PCSK2: variants seen among roughly 807,000 people sequenced by gnomAD.
The protein encoded by PCSK2 is proprotein convertase subtilisin/kexin type 2.
In PCSK2, 14 loss-of-function variants were observed where a neutral mutation model predicts 69.7. The observed-to-expected ratio is 0.20, with a 90% CI of 0.13 to 0.31. PCSK2 has a LOEUF of 0.31. PCSK2 is among the 10% of genes least tolerant of loss of function. PCSK2 has a pLI of 1.00. For synonymous variants in PCSK2, 307 were observed against 320.7 expected (o/e 0.96, Z 0.46); for missense variants, 544 against 842.5 (o/e 0.65, Z 4.39).
intron 1 of PCSK2, among the ~76,000 whole-genome samples, chr20:17,247,913 C>A (rs772030092): frequency 4.6e-5 from 7 of 151,942 alleles, no homozygotes; most frequent in Non-Finnish European, 1.0e-4. Flanking sequence ...TAGCTTGGAG[C>A]CATAGTTTTC....
At chr20:17,330,343 C>A (rs1990176457) in intron 2 of PCSK2, among the ~76,000 whole-genome samples, 1 of 151,868 alleles carries the variant, frequency 6.6e-6, no homozygotes, top group African/African-American at 2.4e-5. Flanking sequence ...CCTGTAATCC[C>A]AGCACTTTGG....
chr20:17,369,371 T>C, intron 5 of PCSK2, 94 bp downstream of exon 5: 3 of 958,006 alleles, frequency 3.1e-6, no homozygotes, highest in Non-Finnish European at 5.1e-6. Flanking sequence ...TACATGTCTA[T>C]ACACATGCAT....
intron 11 of PCSK2, among the ~76,000 whole-genome samples, chr20:17,477,763 C>A (rs1403755162): frequency 6.6e-6 from 1 of 152,146 alleles, no homozygotes; most frequent in East Asian, 1.9e-4. Flanking sequence ...TGATTCCACT[C>A]TCTGTAAGTG....
chr20:17,369,763 T>A (rs574540088), intron 5 of PCSK2, among the ~76,000 whole-genome samples: 1 of 152,316 alleles, frequency 6.6e-6, no homozygotes, highest in South Asian at 2.1e-4. Context: ...CTCTACCTGA[T>A]GATATTGAAT....
rs903481364 is a variant in PCSK2, at chr20:17,453,096, A to G, written c.886-646A>G. On this transcript the variant is annotated intron_variant, in intron 8 of 11. Coordinates refer to ENST00000262545, the MANE Select transcript of PCSK2 (RefSeq NM_002594.5). The surrounding 1 kb of genome is among the most constrained non-coding windows in gnomAD (Gnocchi z 4.0). ...TATATTATGTGTTTAAAAGGATTCTAGTATCCAATTGAATAAAAAAGAATA... is the reference window on the plus strand; with the variant it reads ...TATATTATGTGTTTAAAAGGATTCTGGTATCCAATTGAATAAAAAAGAATA... Among the ~76,000 whole-genome samples, 17 of 152,356 alleles carry G rather than the reference A, an allele frequency of 1.1e-4. No individual in the cohort carries two copies. Among genetic ancestry groups the G allele is most frequent in the African/African-American group, 3.8e-4 (16 of 41,588 alleles).
At chr20:17,310,035 G>A (rs116289134) in intron 2 of PCSK2, among the ~76,000 whole-genome samples, 12,549 of 152,024 alleles carry the variant, frequency 0.083, 702 homozygotes, top group South Asian at 0.28. Context: ...CAATCATGGC[G>A]GAAGGCAAAG....
chr20:17,240,878 G>A (rs1416375212), intron 1 of PCSK2, among the ~76,000 whole-genome samples: 1 of 152,152 alleles, frequency 6.6e-6, no homozygotes, highest in South Asian at 2.1e-4. Context: ...CTGGAAAGCT[G>A]GTTCAATTGT....
chr20:17,265,898 G>A (rs186291418), intron 2 of PCSK2, among the ~76,000 whole-genome samples: 1 of 152,212 alleles, frequency 6.6e-6, no homozygotes, highest in East Asian at 1.9e-4. Flanking sequence ...GACTTCCCTG[G>A]GGCCACACAG....
At position 17,347,960 on chromosome 20, in the gene PCSK2, GAGAAAGAAAGAA is replaced by G. The variant is rs55852687; in HGVS notation, c.283-10355_283-10344del. 7.9e-4 allele frequency among the ~76,000 whole-genome samples: 54 copies of G among 68,082 alleles called. 2 individuals are homozygous for G. The highest frequency in any genetic ancestry group is 3.0e-3 in the African/African-American group (40 of 13,264). 44.7% of individuals were successfully genotyped at this position (68,082 alleles called of 152,430 possible). ...AGAAAGAAAGAAAGAAAGAAAGAAAGAGAAAGAAAGAAAGAAAGAAAGAGGAGAGAGAAAAAA... is the reference window on the plus strand; with the variant it reads ...AGAAAGAAAGAAAGAAAGAAAGAAAGAGAAAGAAAGAGGAGAGAGAAAAAA... On this transcript the variant is annotated intron_variant, in intron 2 of 11. Transcript: ENST00000262545.
chr20:17,327,542 G>A (rs1168415555), intron 2 of PCSK2, among the ~76,000 whole-genome samples: 3 of 152,088 alleles, frequency 2.0e-5, no homozygotes, highest in Non-Finnish European at 2.9e-5. Flanking sequence ...GAAGGAAGAC[G>A]CCCTCTGCCC....
At chr20:17,425,845 T>G (rs979667915) in intron 6 of PCSK2, among the ~76,000 whole-genome samples, 4 of 152,102 alleles carry the variant, frequency 2.6e-5, no homozygotes, top group Non-Finnish European at 4.4e-5. Context: ...TGCCCAAGGG[T>G]AATTTTTATG....
At chr20:17,420,439 C>A (rs760076940) in intron 6 of PCSK2, among the ~76,000 whole-genome samples, 11 of 152,184 alleles carry the variant, frequency 7.2e-5, no homozygotes, top group Admixed American at 1.3e-4. Flanking sequence ...TTGTAACCAA[C>A]CCTTTCTACA....
chr20:17,428,997 CAAAAAAAAAAAA>C lies in PCSK2; in HGVS notation c.621-417_621-406del, dbSNP rs60206058. Among the ~76,000 whole-genome samples the C allele has an allele frequency of 6.5e-4, 24 of 36,954 alleles. 1 individual carries two copies. Among genetic ancestry groups the C allele is most frequent in the East Asian group, 3.4e-3 (3 of 878 alleles). 24.2% of individuals were successfully genotyped at this position (36,954 alleles called of 152,430 possible). ...CTGGGTGACCGAGGAGACTCTGTCT[CAAAAAAAAAAAA>C]AAAAAAAAAAAAAAAAAAAAGAATA... On this transcript the variant is annotated intron_variant, in intron 6 of 11. Transcript: ENST00000262545.
At chr20:17,297,541 G>A (rs147805593) in intron 2 of PCSK2, among the ~76,000 whole-genome samples, 51 of 152,366 alleles carry the variant, frequency 3.3e-4, no homozygotes, top group African/African-American at 1.2e-3. Flanking sequence ...TCAGGCTGCA[G>A]GAGGGGCTCA....
At chr20:17,392,881 C>T (rs1253820900) in intron 5 of PCSK2, among the ~76,000 whole-genome samples, 1 of 151,838 alleles carries the variant, frequency 6.6e-6, no homozygotes, top group Non-Finnish European at 1.5e-5. Context: ...TCGTTATATA[C>T]ATCTACACAC....
chr20:17,439,711 A>G (rs982381770), intron 8 of PCSK2, among the ~76,000 whole-genome samples: 2 of 152,220 alleles, frequency 1.3e-5, no homozygotes, highest in African/African-American at 2.4e-5. Context: ...GTTCACATGT[A>G]ACTTCCTCAG....
intron 2 of PCSK2, among the ~76,000 whole-genome samples, chr20:17,349,063 C>T (rs772932952): frequency 6.6e-6 from 1 of 152,184 alleles, no homozygotes; most frequent in African/African-American, 2.4e-5. Flanking sequence ...TACATGAGTA[C>T]TCAGGGCACT....
chr20:17,266,315 G>A (rs1987599481), intron 2 of PCSK2, among the ~76,000 whole-genome samples: 1 of 152,160 alleles, frequency 6.6e-6, no homozygotes, highest in Non-Finnish European at 1.5e-5. Context: ...GGGTGAGCCT[G>A]TAGCATTTAA....
chr20:17,452,019 A>G (rs1246628103), intron 8 of PCSK2, among the ~76,000 whole-genome samples: 2 of 143,466 alleles, frequency 1.4e-5, no homozygotes, highest in East Asian at 4.2e-4. Context: ...AGCTGGGATT[A>G]CAGACATGTA....
Sources: allele counts gnomAD v4.1 joint callset (sites outside exome capture counted in the v4.1 genomes callset), GRCh38; gene constraint gnomAD v4.1.1; non-coding constraint Gnocchi (gnomAD v3.1); transcripts MANE v1.5; gene names NCBI Gene and HGNC (gene_info 2026-07-23, HGNC 2026-07-21).